Variants in WDFY2 observed in about 807,000 individuals in gnomAD.
The protein encoded by WDFY2 is WD repeat and FYVE domain-containing protein 2.
WDFY2 carries 36 observed loss-of-function variants against 56.4 expected under a neutral mutation model. That is an observed-to-expected ratio of 0.64 (90% CI 0.49 to 0.84). The LOEUF is 0.84. Among genes scored for constraint, WDFY2 ranks in the 40% least tolerant of loss-of-function variants. The pLI is 0.00. For synonymous variants in WDFY2, 176 were observed against 183.7 expected (o/e 0.96, Z 0.34); for missense variants, 444 against 512.2 (o/e 0.87, Z 1.29).
At chr13:51,608,420 G>C (rs559760899) in intron 1 of WDFY2, among the ~76,000 whole-genome samples, 3 of 152,130 alleles carry the variant, frequency 2.0e-5, no homozygotes, top group Non-Finnish European at 4.4e-5. Flanking sequence ...GGTGGCTCAC[G>C]CCTGTAATCC....
Position 51,584,635 on chromosome 13 carries a change from C to A in WDFY2, c.-53C>A, listed in dbSNP as rs886710969. ...GTCCGTGCTCCAGCAGTCTCCTCAG[C>A]CCGGCCCCGCGGCGCGGTTGGCGGC... is the stretch of plus-strand genomic sequence containing the variant. On this transcript the variant is annotated 5_prime_UTR_variant, in exon 1 of 12. Coordinates refer to ENST00000298125, the MANE Select transcript of WDFY2 (RefSeq NM_052950.4). 2 of 1,572,154 alleles carry A rather than the reference C, an allele frequency of 1.3e-6. No homozygotes were observed. The highest frequency in any genetic ancestry group is 1.7e-6 in the Non-Finnish European group (2 of 1,162,872).
intron 3 of WDFY2, among the ~76,000 whole-genome samples, chr13:51,680,640 A>T (rs537003251): frequency 6.6e-6 from 1 of 152,334 alleles, no homozygotes; most frequent in East Asian, 1.9e-4. Context: ...AGTTTTCTCA[A>T]TGTGAGACAT....
chr13:51,755,561 G>T (rs560164817), intron 9 of WDFY2, 102 bp downstream of exon 9: 44 of 1,112,786 alleles, frequency 4.0e-5, no homozygotes, highest in Non-Finnish European at 5.5e-5. Flanking sequence ...TGTGGTGAGG[G>T]TAAATTATTA....
chr13:51,755,327 C>G, intron 8 of WDFY2, 31 bp from the exon 9 acceptor site: 2 of 1,608,610 alleles, frequency 1.2e-6, no homozygotes, highest in Non-Finnish European at 1.7e-6. Flanking sequence ...CTGCTGGCCA[C>G]AGTGACCTGT....
intron 5 of WDFY2, among the ~76,000 whole-genome samples, chr13:51,722,152 A>G (rs1252489147): frequency 6.6e-6 from 1 of 152,018 alleles, no homozygotes; most frequent in Non-Finnish European, 1.5e-5. Flanking sequence ...TCTTCATAGT[A>G]GACAGCTAAT....
At chr13:51,616,816 G>A (rs1954626559) in intron 1 of WDFY2, among the ~76,000 whole-genome samples, 1 of 152,200 alleles carries the variant, frequency 6.6e-6, no homozygotes, top group Non-Finnish European at 1.5e-5. Flanking sequence ...ACTATGAGAT[G>A]AGTTACCATA....
At chr13:51,640,943 A>G (rs1955143619) in intron 1 of WDFY2, among the ~76,000 whole-genome samples, 1 of 152,198 alleles carries the variant, frequency 6.6e-6, no homozygotes, top group Admixed American at 6.5e-5. Flanking sequence ...GATAAAGAGA[A>G]ATAGAGACAG....
At chr13:51,608,047 C>G (rs1954417074) in intron 1 of WDFY2, among the ~76,000 whole-genome samples, 1 of 152,120 alleles carries the variant, frequency 6.6e-6, no homozygotes, top group Non-Finnish European at 1.5e-5. Context: ...AGGTGAGGAA[C>G]AGATTCTCCC....
intron 1 of WDFY2, among the ~76,000 whole-genome samples, chr13:51,633,124 G>A (rs747999088): frequency 1.2e-4 from 18 of 152,162 alleles, no homozygotes; most frequent in Non-Finnish European, 2.2e-4. Flanking sequence ...CTTCTGGCCC[G>A]CTGGGGTAGT....
Position 51,756,341 on chromosome 13 carries a change from C to T in WDFY2, c.943C>T (p.Arg315Cys), listed in dbSNP as rs767324502. 29 of 1,613,324 alleles carry T rather than the reference C, an allele frequency of 1.8e-5. No homozygotes were observed. Among genetic ancestry groups the T allele is most frequent in the Non-Finnish European group, 2.3e-5 (27 of 1,179,636 alleles). ...TATCTCCCTCCTCCAGCACCACTGC[C>T]GCAAGTGTGGGAAGGCCGTCTGTGG... ...KKIGLRQHHC[R>C]KCGKAVCGKC... is the part of the protein sequence containing the mutation. The change falls in exon 10 of 12, where the codon CGC (arginine) becomes TGC (cysteine). Residue 315 changes from arginine to cysteine, a missense_variant. Coordinates refer to ENST00000298125, the MANE Select transcript of WDFY2 (RefSeq NM_052950.4).
At chr13:51,671,301 A>G (rs149314249) in intron 2 of WDFY2, among the ~76,000 whole-genome samples, 482 of 152,300 alleles carry the variant, frequency 3.2e-3, no homozygotes, top group Non-Finnish European at 6.0e-3. Context: ...ACTGTTTTCC[A>G]TAGTGGTTGT....
At chr13:51,590,825 A>AT (rs1439318927) in intron 1 of WDFY2, 85 of 152,266 alleles carry the variant, frequency 5.6e-4, no homozygotes, top group African/African-American at 1.8e-3. Context: ...CTTTAAAAAA[A>AT]TTTTTTGTAT....
At chr13:51,671,160 G>T (rs910403234) in intron 2 of WDFY2, among the ~76,000 whole-genome samples, 32 of 152,062 alleles carry the variant, frequency 2.1e-4, no homozygotes, top group Non-Finnish European at 3.7e-4. Context: ...ATTGTGAGTT[G>T]TGCTGCTATA....
At chr13:51,655,165 A>G (rs1372568928) in intron 1 of WDFY2, among the ~76,000 whole-genome samples, 1 of 152,146 alleles carries the variant, frequency 6.6e-6, no homozygotes, top group Non-Finnish European at 1.5e-5. Flanking sequence ...ATAGTTTTAC[A>G]TGTCTCTTTC....
At chr13:51,748,297 G>A (rs185840411) in intron 7 of WDFY2, among the ~76,000 whole-genome samples, 14 of 152,318 alleles carry the variant, frequency 9.2e-5, no homozygotes, top group African/African-American at 3.4e-4. Flanking sequence ...AGGAGCCAAC[G>A]CGTTAGTGAT....
rs149231304 is a variant in WDFY2, at chr13:51,631,354, G to A, written c.138-29242G>A. Among the ~76,000 whole-genome samples the A allele has an allele frequency of 5.1e-3, 756 of 149,516 alleles. 4 individuals are homozygous for A. The highest frequency in any genetic ancestry group is 0.015 in the African/African-American group (593 of 40,666). On this transcript the variant is annotated intron_variant, in intron 1 of 11. Transcript: ENST00000298125. ...AGCAGTGAGCCATGATGGTGTCATC[G>A]CACTGCAGCCTGGGAGATGAAGCAA...
intron 1 of WDFY2, chr13:51,586,274 T>C: frequency 2.6e-6 from 1 of 385,592 alleles, no homozygotes; most frequent in Non-Finnish European, 4.6e-6. Context: ...AAGGAATATA[T>C]TGGTAGATGT....
At chr13:51,696,096 G>A (rs1205090592) in intron 3 of WDFY2, among the ~76,000 whole-genome samples, 1 of 152,220 alleles carries the variant, frequency 6.6e-6, no homozygotes, top group Non-Finnish European at 1.5e-5. Context: ...TTCTTTGACT[G>A]GGAAAGGGAA....
chr13:51,623,211 C>T (rs1297504011), intron 1 of WDFY2, among the ~76,000 whole-genome samples: 3 of 148,354 alleles, frequency 2.0e-5, no homozygotes, highest in Admixed American at 1.4e-4. Flanking sequence ...TTTTTTAAAG[C>T]GTAATTTTTC....
Sources: allele counts gnomAD v4.1 joint callset (sites outside exome capture counted in the v4.1 genomes callset), GRCh38; gene constraint gnomAD v4.1.1; transcripts MANE v1.5; gene names NCBI Gene and HGNC (gene_info 2026-07-23, HGNC 2026-07-21).